The following COL14A1 variants were observed in gnomAD, a reference collection of about 807,000 sequenced individuals.
The protein encoded by COL14A1 is collagen alpha-1(XIV) chain.
In COL14A1, 136 loss-of-function variants were observed where a neutral mutation model predicts 230.3. That is an observed-to-expected ratio of 0.59 (90% CI 0.51 to 0.68). COL14A1 has a LOEUF of 0.68. Among genes scored for constraint, COL14A1 ranks in the 30% least tolerant of loss-of-function variants. The pLI is 0.00. For missense variants in COL14A1, 1,976 were observed against 2,215.8 expected (o/e 0.89, Z 2.17); for synonymous variants, 792 against 784.1 (o/e 1.01, Z -0.17).
intron 32 of COL14A1, among the ~76,000 whole-genome samples, chr8:120,285,460 T>C (rs1160423136): frequency 1.5e-5 from 1 of 65,788 alleles, no homozygotes; most frequent in Non-Finnish European, 2.5e-5. Flanking sequence ...CGAGACTCCA[T>C]CTCAAAAAAA....
At chr8:120,253,922 C>T (rs1819057080) in intron 22 of COL14A1, among the ~76,000 whole-genome samples, 1 of 152,034 alleles carries the variant, frequency 6.6e-6, no homozygotes, top group South Asian at 2.1e-4. Context: ...GAGACTCCAT[C>T]TCAAAAAACA....
intron 36 of COL14A1, among the ~76,000 whole-genome samples, chr8:120,303,615 A>G (rs1435852687): frequency 6.6e-6 from 1 of 152,116 alleles, no homozygotes; most frequent in Non-Finnish European, 1.5e-5. Flanking sequence ...TAGCTTTTTG[A>G]TGTGCTGCTG....
At chr8:120,281,536 A>ATC (rs1303229063) in intron 31 of COL14A1, among the ~76,000 whole-genome samples, 1 of 149,838 alleles carries the variant, frequency 6.7e-6, no homozygotes, top group Non-Finnish European at 1.5e-5. Flanking sequence ...CTGCACCTCA[A>ATC]TCTTGGTGAA....
rs1812226660 is a variant in COL14A1, at chr8:120,373,549, G to C, written c.*2318G>C. 6.6e-6 allele frequency among the ~76,000 whole-genome samples: 1 copy of C among 152,022 alleles called. No homozygotes were observed. Among genetic ancestry groups the C allele is most frequent in the Admixed American group, 6.6e-5 (1 of 15,256 alleles). The stretch of plus-strand genomic sequence containing the variant: ...TGTAAGTTTATACTGTTTTCTAAAA[G>C]TAATAAATCATTTCATGAAAAATAC... On this transcript the variant is annotated 3_prime_UTR_variant, in exon 48 of 48. Coordinates refer to ENST00000297848, the MANE Select transcript of COL14A1 (RefSeq NM_021110.4).
chr8:120,229,089 T>TTTTTATTTTATTTTATTTTA lies in COL14A1; in HGVS notation c.2197+329_2197+348dup, dbSNP rs144526831. On this transcript the variant is annotated intron_variant, in intron 18 of 47. Coordinates refer to ENST00000297848, the MANE Select transcript of COL14A1 (RefSeq NM_021110.4). Reference sequence around the variant, plus strand: ...TCTTTGCCCTCCTCTTTTTTTTTTCTTTTTATTTTATTTTATTTTATTTTA... The same window carrying TTTTTATTTTATTTTATTTTA: ...TCTTTGCCCTCCTCTTTTTTTTTTCTTTTTATTTTATTTTATTTTATTTTATTTTATTTTATTTTATTTTA... 8.2e-3 allele frequency among the ~76,000 whole-genome samples: 1,127 copies of TTTTTATTTTATTTTATTTTA among 137,422 alleles called. 16 individuals carry two copies. Among genetic ancestry groups the TTTTTATTTTATTTTATTTTA allele is most frequent in the East Asian group, 0.057 (268 of 4,680 alleles). The allele number at this position is 137,422 out of a possible 152,430, so 90.2% of individuals were successfully genotyped here. A position where few individuals can be genotyped will look rare whatever the true frequency, so the allele number is the denominator to read the frequency against.
At chr8:120,368,668 A>G (rs755527054) in intron 46 of COL14A1, among the ~76,000 whole-genome samples, 6 of 151,460 alleles carry the variant, frequency 4.0e-5, no homozygotes, top group Non-Finnish European at 5.9e-5. Flanking sequence ...TAATCCTCCT[A>G]TTTTTACTCA....
At chr8:120,344,522 C>T (rs536638795) in intron 44 of COL14A1, among the ~76,000 whole-genome samples, 14 of 152,318 alleles carry the variant, frequency 9.2e-5, no homozygotes, top group African/African-American at 2.6e-4. Flanking sequence ...CAACAATGGA[C>T]GTGCCTACTA....
At chr8:120,364,667 G>A (rs1823343645) in intron 45 of COL14A1, among the ~76,000 whole-genome samples, 1 of 152,160 alleles carries the variant, frequency 6.6e-6, no homozygotes. Flanking sequence ...CGGATCATTT[G>A]AGGTCAGGAG....
In COL14A1 at chr8:120,208,216, A is replaced by G. The variant is rs750516572; in HGVS notation, c.1192-16A>G. The G allele has an allele frequency of 6.3e-7, 1 of 1,595,198 alleles. No homozygotes were observed. The highest frequency in any genetic ancestry group is 8.6e-7 in the Non-Finnish European group (1 of 1,167,058). On this transcript the variant is annotated splice_polypyrimidine_tract_variant and intron_variant, in intron 10 of 47. Transcript: ENST00000297848. ...GATATTCCATACTCTCATTACTCAA[A>G]CTGTTCTTTAAACAGGTGGTGGTAG...
intron 23 of COL14A1, among the ~76,000 whole-genome samples, chr8:120,256,263 A>T (rs1006657): frequency 0.025 from 3,878 of 152,230 alleles, 61 homozygotes; most frequent in African/African-American, 0.044. Flanking sequence ...AAGCAAAATG[A>T]CCTAATTATT....
intron 5 of COL14A1, among the ~76,000 whole-genome samples, chr8:120,192,059 T>G (rs1422058051): frequency 6.6e-6 from 1 of 151,980 alleles, no homozygotes; most frequent in Non-Finnish European, 1.5e-5. Context: ...AAAGTTAATA[T>G]TGTTATGTGT....
chr8:120,276,834 T>C (rs1199707162), intron 26 of COL14A1, among the ~76,000 whole-genome samples: 1 of 111,512 alleles, frequency 9.0e-6, no homozygotes, highest in African/African-American at 3.9e-5. Context: ...TAAAGTATAA[T>C]AATAAAAAAA....
intron 5 of COL14A1, among the ~76,000 whole-genome samples, chr8:120,191,828 A>T (rs201038032): frequency 1.3e-5 from 2 of 151,968 alleles, no homozygotes; most frequent in Non-Finnish European, 1.5e-5. Context: ...TTGATCTTTG[A>T]TGGTTTAAAG....
chr8:120,152,469 CAAAAAAAAA>C (rs397891260), intron 2 of COL14A1, among the ~76,000 whole-genome samples: 1 of 59,598 alleles, frequency 1.7e-5, no homozygotes, highest in African/African-American at 7.4e-5. Context: ...GATTCCATCT[CAAAAAAAAA>C]AAAAAAAAAA....
intron 21 of COL14A1, among the ~76,000 whole-genome samples, chr8:120,248,999 C>T (rs1248164516): frequency 7.1e-6 from 1 of 140,842 alleles, no homozygotes; most frequent in Non-Finnish European, 1.5e-5. Context: ...AGCCTCGGCT[C>T]ACTGCAAGCT....
chr8:120,291,548 A>G (rs1412002862), intron 34 of COL14A1, among the ~76,000 whole-genome samples: 1 of 140,872 alleles, frequency 7.1e-6, no homozygotes, highest in Non-Finnish European at 1.5e-5. Flanking sequence ...TGACAGAGCA[A>G]GACTCCATCT....
chr8:120,192,375 C>A (rs958386975), intron 5 of COL14A1, among the ~76,000 whole-genome samples: 1 of 152,050 alleles, frequency 6.6e-6, no homozygotes, highest in Non-Finnish European at 1.5e-5. Flanking sequence ...ATATTGGCCC[C>A]CACTCTCTTC....
rs199726644 is a variant in COL14A1, at chr8:120,250,639, G to T, written c.2625G>T (p.Thr875=). The part of the protein sequence containing the change: ...PVSVPGPTLE[T]FVGADINTIL... ...TAGTTCCTGGTCCAACACTGGAAAC[G>T]TTTGTGGGAGCTGACATTAACACCA... Residue 875 remains threonine (T), a synonymous_variant, in exon 22 of 48, where the codon ACG becomes ACT. Transcript: ENST00000297848. The T allele has an allele frequency of 6.2e-6, 10 of 1,614,032 alleles. No homozygotes were observed.
intron 40 of COL14A1, among the ~76,000 whole-genome samples, chr8:120,327,788 A>G (rs1483623007): frequency 4.8e-5 from 7 of 145,692 alleles, no homozygotes; most frequent in Non-Finnish European, 7.5e-5. Context: ...TTTTTTTGAG[A>G]TGGAGTCTTG....
Sources: gnomAD v4.1 joint callset for allele counts (sites outside exome capture counted in the v4.1 genomes callset) on GRCh38, gnomAD v4.1.1 for gene constraint, MANE v1.5 for transcripts, NCBI Gene and HGNC (gene_info 2026-07-23, HGNC 2026-07-21) for gene names.